The following FGF12 variants were observed in gnomAD, a reference collection of about 807,000 sequenced individuals.
FGF12 encodes fibroblast growth factor 12, also known as fibroblast growth factor 12B.
Under a neutral mutation model 23.6 loss-of-function variants are expected in FGF12, and 14 were observed. The ratio of observed to expected loss-of-function variants is 0.59; its 90% CI spans 0.39 to 0.93. FGF12 has a LOEUF of 0.93. Ranked by LOEUF, FGF12 falls within the 40% of genes least tolerant of loss-of-function variation. FGF12 has a pLI of 0.00. For synonymous variants in FGF12, 62 were observed against 77.3 expected, an observed-to-expected ratio of 0.80 and a Z score of 1.04; for missense variants, 175 against 217.8, an observed-to-expected ratio of 0.80 and a Z score of 1.24.
At chr3:192,669,448 A>C (rs1448224167) in intron 2 of FGF12, among the ~76,000 whole-genome samples, 1 of 151,868 alleles carries the variant, frequency 6.6e-6, no homozygotes, top group East Asian at 1.9e-4. Flanking sequence ...TTAGCTGGGC[A>C]TGGTGGTGGG....
chr3:192,267,530 G>A (rs957877495), intron 4 of FGF12, among the ~76,000 whole-genome samples: 4 of 152,086 alleles, frequency 2.6e-5, no homozygotes, highest in Non-Finnish European at 5.9e-5. Flanking sequence ...CTATGCAAGA[G>A]ATTATATTTA....
At chr3:192,358,984 A>G (rs1718600235) in intron 3 of FGF12, among the ~76,000 whole-genome samples, 1 of 152,174 alleles carries the variant, frequency 6.6e-6, no homozygotes, top group African/African-American at 2.4e-5. Flanking sequence ...TGGTTCTTGC[A>G]TCTATATTTG....
At position 192,293,637 on chromosome 3, in the gene FGF12, ATAAT is replaced by A. The variant is rs144493275; in HGVS notation, c.228+41720_228+41723del. On this transcript the variant is annotated intron_variant, in intron 4 of 5. Coordinates refer to ENST00000445105, the MANE Select transcript of FGF12 (RefSeq NM_004113.6). The stretch of plus-strand genomic sequence containing the variant: ...AGGAATGTAGCACTGACTGCCATTT[ATAAT>A]TAATTAAAGATTTAGAGATTCTGTA... 7.4e-3 allele frequency among the ~76,000 whole-genome samples: 1,120 copies of A among 152,316 alleles called. 16 individuals are homozygous for A. The highest frequency in any genetic ancestry group is 0.025 in the African/African-American group (1,051 of 41,570).
Position 192,197,237 on chromosome 3 carries a change from G to A in FGF12, c.229-26581C>T, listed in dbSNP as rs77492044. Among the ~76,000 whole-genome samples the A allele has an allele frequency of 6.1e-3, 934 of 151,956 alleles. 12 individuals carry two copies. The highest frequency in any genetic ancestry group is 0.032 in the East Asian group (163 of 5,150). On this transcript the variant is annotated intron_variant, in intron 4 of 5. Coordinates refer to ENST00000445105, the MANE Select transcript of FGF12 (RefSeq NM_004113.6). ...TTGTTTTACACTCTGTATTCTTCTC[G>A]GTGCCTACATGAAACTCTATAGACA...
At chr3:192,449,119 T>C (rs1722447212) in intron 2 of FGF12, among the ~76,000 whole-genome samples, 1 of 152,180 alleles carries the variant, frequency 6.6e-6, no homozygotes, top group Non-Finnish European at 1.5e-5. Context: ...AAGTTATCAA[T>C]TTATTGTGTC....
chr3:192,379,129 C>T (rs930865768), intron 2 of FGF12, among the ~76,000 whole-genome samples: 1 of 152,068 alleles, frequency 6.6e-6, no homozygotes, highest in Admixed American at 6.6e-5. Flanking sequence ...TGTATATGTA[C>T]CACATTTTCT....
chr3:192,482,121 G>A (rs1434810515), intron 2 of FGF12, among the ~76,000 whole-genome samples: 1 of 151,990 alleles, frequency 6.6e-6, no homozygotes, highest in Non-Finnish European at 1.5e-5. Context: ...CTCATTATTG[G>A]GATCACTATG....
chr3:192,260,430 C>T (rs1157793217), intron 4 of FGF12, among the ~76,000 whole-genome samples: 4 of 152,142 alleles, frequency 2.6e-5, no homozygotes, highest in Admixed American at 2.0e-4. Flanking sequence ...CTGTTCATCC[C>T]CAACTTGTTA....
intron 2 of FGF12, among the ~76,000 whole-genome samples, chr3:192,567,322 G>A (rs1006244039): frequency 1.3e-5 from 2 of 152,136 alleles, no homozygotes; most frequent in African/African-American, 4.8e-5. Context: ...AGGGGTTGGG[G>A]CTGTAAGTTA....
chr3:192,441,782 C>T (rs114170190), intron 2 of FGF12, among the ~76,000 whole-genome samples: 1,638 of 152,284 alleles, frequency 0.011, 26 homozygotes, highest in African/African-American at 0.037. Context: ...TGAGCAGATA[C>T]GGAAAGGTAC....
chr3:192,484,984 A>G (rs1723588467), intron 2 of FGF12, among the ~76,000 whole-genome samples: 1 of 151,186 alleles, frequency 6.6e-6, no homozygotes, highest in South Asian at 2.1e-4. Flanking sequence ...TTTAAATTTT[A>G]TATGTGTACA....
At chr3:192,373,761 G>A (rs955063173) in intron 2 of FGF12, among the ~76,000 whole-genome samples, 13 of 152,144 alleles carry the variant, frequency 8.5e-5, no homozygotes, top group African/African-American at 3.1e-4. Flanking sequence ...GTGACATAGA[G>A]GCTAAGATCT....
chr3:192,559,392 G>A (rs1711919652), intron 2 of FGF12, among the ~76,000 whole-genome samples: 1 of 151,950 alleles, frequency 6.6e-6, no homozygotes, highest in Admixed American at 6.6e-5. Flanking sequence ...GTAAAAAGAT[G>A]AGTGGTTATC....
At chr3:192,196,034 C>T (rs528129311) in intron 4 of FGF12, among the ~76,000 whole-genome samples, 38 of 152,286 alleles carry the variant, frequency 2.5e-4, no homozygotes, top group African/African-American at 8.7e-4. Flanking sequence ...CCACCCCAGC[C>T]TTTGGTAACC....
At chr3:192,388,753 T>C (rs1720161502) in intron 2 of FGF12, among the ~76,000 whole-genome samples, 1 of 152,056 alleles carries the variant, frequency 6.6e-6, no homozygotes, top group Non-Finnish European at 1.5e-5. Flanking sequence ...TGCTATATGA[T>C]GCCAGACTGT....
chr3:192,486,128 T>A (rs553654860), intron 2 of FGF12, among the ~76,000 whole-genome samples: 5 of 152,022 alleles, frequency 3.3e-5, no homozygotes, highest in Admixed American at 6.6e-5. Flanking sequence ...AACCAACACA[T>A]CCAGGACATA....
chr3:192,353,602 C>G (rs560329142), intron 3 of FGF12, among the ~76,000 whole-genome samples: 2 of 152,036 alleles, frequency 1.3e-5, no homozygotes, highest in East Asian at 1.9e-4. Flanking sequence ...ATCACCTGAC[C>G]TTGTGATCCG....
At chr3:192,592,956 G>C (rs1211412311) in intron 2 of FGF12, among the ~76,000 whole-genome samples, 1 of 151,826 alleles carries the variant, frequency 6.6e-6, no homozygotes, top group Admixed American at 6.6e-5. Context: ...ATAATGGTCT[G>C]AGCCACCATC....
chr3:192,452,492 G>C (rs925321537), intron 2 of FGF12, among the ~76,000 whole-genome samples: 2 of 152,084 alleles, frequency 1.3e-5, no homozygotes, highest in Admixed American at 6.5e-5. Context: ...TCAAGTTTTA[G>C]TAACAGGGTT....
Sources: gnomAD v4.1 joint callset for allele counts (sites outside exome capture counted in the v4.1 genomes callset) on GRCh38, gnomAD v4.1.1 for gene constraint, MANE v1.5 for transcripts, NCBI Gene and HGNC (gene_info 2026-07-23, HGNC 2026-07-21) for gene names.